The following NAA40 variants were observed in gnomAD, a reference collection of about 807,000 sequenced individuals.
The protein encoded by NAA40 is N-alpha-acetyltransferase 40, NatD catalytic subunit.
In NAA40, 26 loss-of-function variants were observed where a neutral mutation model predicts 36.6. The ratio of observed to expected loss-of-function variants is 0.71; its 90% CI spans 0.52 to 0.98. The LOEUF is 0.98. Ranked by LOEUF, NAA40 falls within the 50% of genes least tolerant of loss-of-function variation. NAA40 has a pLI of 0.00. For synonymous variants in NAA40, 129 were observed against 108.4 expected, an observed-to-expected ratio of 1.19 and a Z score of -1.18; for missense variants, 237 against 306.5, an observed-to-expected ratio of 0.77 and a Z score of 1.69.
At chr11:63,943,778 T>G (rs1163433398) in intron 1 of NAA40, among the ~76,000 whole-genome samples, 2 of 151,616 alleles carry the variant, frequency 1.3e-5, no homozygotes, top group Non-Finnish European at 2.9e-5. Context: ...GGCAACATAG[T>G]GAGACTCCCC....
chr11:63,954,273 C>G (rs1042988494), intron 7 of NAA40, 65 bp from the exon 8 acceptor site: 4 of 1,531,950 alleles, frequency 2.6e-6, no homozygotes, highest in African/African-American at 2.8e-5. Flanking sequence ...TAGAAGAGTT[C>G]TCGGGCCAGG....
rs1942319935 is a variant in NAA40 at position 63,953,886 on chromosome 11, C to T, written c.495-86C>T. On this transcript the variant is annotated intron_variant, in intron 6 of 7. Transcript: ENST00000377793. ...CTCAAATGATCCTCCCACCTTTGCC[C>T]CTCAAAGTGCTGGGATTACAGGTGC... The T allele has an allele frequency of 7.6e-6, 9 of 1,189,900 alleles. 1 individual carries two copies. In the South Asian group the frequency reaches 1.0e-4, roughly 14 times the overall value. The allele number at this position is 1,189,900 out of a possible 1,614,324, so 73.7% of individuals were successfully genotyped here. A position where few individuals can be genotyped will look rare whatever the true frequency, so the allele number is the denominator to read the frequency against.
intron 3 of NAA40, among the ~76,000 whole-genome samples, chr11:63,947,217 G>A (rs911928824): frequency 6.6e-6 from 1 of 152,100 alleles, no homozygotes; most frequent in African/African-American, 2.4e-5. Context: ...GACCAGCCTG[G>A]CTAACATAGT....
rs750668512 is a variant in NAA40 at position 63,957,016 on chromosome 11, C to A, written c.*2537C>A. 2 of 150,780 alleles carry A rather than the reference C, an allele frequency of 1.3e-5. No individual in the cohort carries two copies. The highest frequency in any genetic ancestry group is 6.6e-5 in the Admixed American group (1 of 15,154). The allele number at this position is 150,780 out of a possible 1,614,324, so 9.3% of individuals were successfully genotyped here. A position where few individuals can be genotyped will look rare whatever the true frequency, so the allele number is the denominator to read the frequency against. ...AACATAGCAGGCCTTTTTTACCAGG[C>A]TTTTTGTGTTTTGTTTGTTTGTTTG... On this transcript the variant is annotated 3_prime_UTR_variant, in exon 8 of 8. Transcript: ENST00000377793.
chr11:63,941,092 G>A (rs560979784), intron 1 of NAA40, among the ~76,000 whole-genome samples: 32 of 152,338 alleles, frequency 2.1e-4, no homozygotes, highest in African/African-American at 7.7e-4. Flanking sequence ...CAGAGATTCT[G>A]CGATCCTTGC....
chr11:63,944,727 AC>A (rs1384989402), intron 1 of NAA40, among the ~76,000 whole-genome samples: 4 of 151,672 alleles, frequency 2.6e-5, no homozygotes, highest in Non-Finnish European at 5.9e-5. Flanking sequence ...ACTTGGTGAA[AC>A]CCCGTCACTA....
In NAA40 at chr11:63,939,085, G is replaced by A. The variant is rs374134584; in HGVS notation, c.-12G>A. 1.9e-6 allele frequency: 3 copies of A among 1,604,756 alleles called. No individual in the cohort carries two copies. Among genetic ancestry groups the A allele is most frequent in the Admixed American group, 1.7e-5 (1 of 59,632 alleles). On this transcript the variant is annotated 5_prime_UTR_variant, in exon 1 of 8. Transcript: ENST00000377793. ...GTGTGTGAAGAAGAAGCTGAGCGTT[G>A]TCGCCGCCGCTATGGGGGTGAGTGA...
intron 3 of NAA40, among the ~76,000 whole-genome samples, chr11:63,949,116 A>C (rs918005083): frequency 6.6e-6 from 1 of 151,930 alleles, no homozygotes; most frequent in Non-Finnish European, 1.5e-5. Flanking sequence ...AGCCTGGGAG[A>C]TGCAGGCTGC....
chr11:63,951,709 C>G (rs924017160), intron 3 of NAA40, among the ~76,000 whole-genome samples: 10 of 151,978 alleles, frequency 6.6e-5, no homozygotes, highest in African/African-American at 2.4e-4. Flanking sequence ...ACTCCTGGGG[C>G]GGGGTGGGGC....
intron 3 of NAA40, among the ~76,000 whole-genome samples, chr11:63,950,516 A>C (rs1942263078): frequency 6.6e-6 from 1 of 151,250 alleles, no homozygotes. Context: ...AGGCTGGAGT[A>C]CAATGGCATG....
intron 1 of NAA40, 35 bp downstream of exon 1, chr11:63,939,137 G>A (rs954807858): frequency 1.3e-6 from 2 of 1,583,956 alleles, no homozygotes; most frequent in Admixed American, 3.5e-5. Context: ...GGGAGGTCCA[G>A]GGGCGCTCCT....
intron 1 of NAA40, among the ~76,000 whole-genome samples, chr11:63,944,173 A>G (rs552136886): frequency 6.6e-6 from 1 of 152,314 alleles, no homozygotes; most frequent in African/African-American, 2.4e-5. Flanking sequence ...CTTGGAAAAT[A>G]GTGGGTAGAA....
intron 7 of NAA40, 44 bp from the exon 8 acceptor site, chr11:63,954,294 C>G: frequency 6.5e-7 from 1 of 1,548,554 alleles, no homozygotes. Context: ...GAGGAAGGCA[C>G]TCAGCTGCCT....
At chr11:63,948,178 T>C (rs1942219811) in intron 3 of NAA40, among the ~76,000 whole-genome samples, 1 of 152,266 alleles carries the variant, frequency 6.6e-6, no homozygotes, top group East Asian at 1.9e-4. Flanking sequence ...GGACTGATTA[T>C]TCTCTCTGCA....
chr11:63,939,181 C>T, intron 1 of NAA40, 79 bp downstream of exon 1: 1 of 1,172,642 alleles, frequency 8.5e-7, no homozygotes, highest in Non-Finnish European at 1.1e-6. Flanking sequence ...TTAAACCCCC[C>T]TCTCACGTGA....
In NAA40 at chr11:63,955,611, GC is replaced by G. The variant is rs1330675770; in HGVS notation, c.*1135del. 2 of 152,644 alleles carry G rather than the reference GC, an allele frequency of 1.3e-5. No homozygotes were observed. The highest frequency in any genetic ancestry group is 2.9e-5 in the Non-Finnish European group (2 of 68,070). 9.5% of individuals were successfully genotyped at this position (152,644 alleles called of 1,614,324 possible). ...GTGAGGCACTAGTGCCACTGCCGTG[GC>G]CCAGCCGGGCCATAGCTCAGGCTGC... On this transcript the variant is annotated 3_prime_UTR_variant, in exon 8 of 8. Coordinates refer to ENST00000377793, the MANE Select transcript of NAA40 (RefSeq NM_024771.4).
intron 1 of NAA40, chr11:63,939,365 C>G: frequency 1.6e-6 from 2 of 1,249,436 alleles, no homozygotes; most frequent in Non-Finnish European, 2.0e-6. Flanking sequence ...TTCGCGGACC[C>G]GTTACTGGCC....
rs1194564763 is a variant in NAA40, at chr11:63,948,949, GT to G, written c.155+1948del. Reference sequence around the variant, plus strand: ...AATCCCAGCACTTTGGGAGGCTGAGGTTGGAAGGATCGTTTGTGCCCAGGAG... The same window carrying G: ...AATCCCAGCACTTTGGGAGGCTGAGGTGGAAGGATCGTTTGTGCCCAGGAG... On this transcript the variant is annotated intron_variant, in intron 3 of 7. Transcript: ENST00000377793. 8.5e-5 allele frequency among the ~76,000 whole-genome samples: 13 copies of G among 152,298 alleles called. No homozygotes were observed. The East Asian group carries it at 2.5e-3, about 29-fold the overall frequency.
intron 3 of NAA40, among the ~76,000 whole-genome samples, chr11:63,949,381 GC>G (rs1395834257): frequency 6.6e-6 from 1 of 152,030 alleles, no homozygotes; most frequent in Non-Finnish European, 1.5e-5. Flanking sequence ...GTGGGGTTGG[GC>G]ATCTAGTGTA....
Sources: allele counts gnomAD v4.1 joint callset (sites outside exome capture counted in the v4.1 genomes callset), GRCh38; gene constraint gnomAD v4.1.1; transcripts MANE v1.5; gene names NCBI Gene and HGNC (gene_info 2026-07-23, HGNC 2026-07-21).